TGM3: variants seen among roughly 807,000 people sequenced by gnomAD.
TGM3 encodes transglutaminase 3, also known as protein-glutamine gamma-glutamyltransferase E.
Under a neutral mutation model 73.8 loss-of-function variants are expected in TGM3, and 52 were observed. That is an observed-to-expected ratio of 0.70 (90% CI 0.56 to 0.89). The LOEUF is 0.89. Ranked by LOEUF, TGM3 falls within the 40% of genes least tolerant of loss-of-function variation. The pLI is 0.00. For missense variants in TGM3, 928 were observed against 909.9 expected (o/e 1.02, Z -0.26); for synonymous variants, 372 against 354.9 (o/e 1.05, Z -0.54).
chr20:2,339,795 A>C, intron 11 of TGM3, 59 bp from the exon 12 acceptor site: 1 of 1,607,512 alleles, frequency 6.2e-7, no homozygotes, highest in East Asian at 2.2e-5. Context: ...GCCCTCACCA[A>C]GGTGCAGGCA....
chr20:2,328,427 G>A lies in TGM3; in HGVS notation c.1333+62G>A. On this transcript the variant is annotated intron_variant, in intron 9 of 12. Transcript: ENST00000381458. The surrounding 1 kb of genome is among the most constrained non-coding windows in gnomAD (Gnocchi z 5.2). ...TTCTATTGTGGGAGGATGGCTCTGA[G>A]GCTGGAGAGGAGAAAAGTCCTCACC... The A allele has an allele frequency of 6.3e-7, 1 of 1,597,024 alleles. No homozygotes were observed. Among genetic ancestry groups the A allele is most frequent in the African/African-American group, 1.3e-5 (1 of 74,862 alleles).
Position 2,335,222 on chromosome 20 carries a change from G to C in TGM3, c.1749G>C (p.Glu583Asp), listed in dbSNP as rs137862904. Residue 583 changes from glutamate (E) to aspartate (D), a missense_variant, in exon 11 of 13, where the codon GAG (glutamate) becomes GAC (aspartate). Coordinates refer to ENST00000381458, the MANE Select transcript of TGM3 (RefSeq NM_003245.4). Reference sequence around the variant, plus strand: ...TGTGCAAGGTCCCAGATGAGTCTGAGGTGGTGGTGGAGCGGGACATCATCC... The same window carrying C: ...TGTGCAAGGTCCCAGATGAGTCTGACGTGGTGGTGGAGCGGGACATCATCC... Reference protein sequence around the residue: ...TAVCKVPDESEVVVERDIILD... With the variant: ...TAVCKVPDESDVVVERDIILD... The C allele has an allele frequency of 1.4e-4, 233 of 1,614,122 alleles. No homozygotes were observed. The African/African-American group carries it at 2.9e-3, about 20-fold the overall frequency.
At chr20:2,307,690 C>T (rs1012779505) in intron 1 of TGM3, among the ~76,000 whole-genome samples, 3 of 152,108 alleles carry the variant, frequency 2.0e-5, no homozygotes, top group South Asian at 2.1e-4. Context: ...ACTTCATACA[C>T]GTGTACACTC....
At position 2,328,600 on chromosome 20, in the gene TGM3, T is replaced by C. The variant is rs2122242044; in HGVS notation, c.1333+235T>C. 6.6e-6 allele frequency among the ~76,000 whole-genome samples: 1 copy of C among 152,344 alleles called. No homozygotes were observed. Among genetic ancestry groups the C allele is most frequent in the South Asian group, 2.1e-4 (1 of 4,832 alleles). The stretch of plus-strand genomic sequence containing the variant: ...AAGTTTGCTGCAGGGCACAGGTGGC[T>C]GTCAACCCAGCCCATCTCCAGCTGT... On this transcript the variant is annotated intron_variant, in intron 9 of 12. Transcript: ENST00000381458. This position sits in a 1 kb window ranked among gnomAD's most constrained non-coding sequence, Gnocchi z 5.2.
At chr20:2,329,324 C>T (rs867545186) in intron 9 of TGM3, among the ~76,000 whole-genome samples, 6 of 152,110 alleles carry the variant, frequency 3.9e-5, no homozygotes, top group East Asian at 1.9e-4. Context: ...GAAAGCTGAG[C>T]GCAGGTGATG....
intron 1 of TGM3, among the ~76,000 whole-genome samples, chr20:2,303,133 T>C (rs2084159333): frequency 6.6e-6 from 1 of 152,080 alleles, no homozygotes; most frequent in Non-Finnish European, 1.5e-5. Flanking sequence ...ACCCTGTCTC[T>C]ATTAAAAATA....
chr20:2,321,496 T>C (rs1238086530), intron 7 of TGM3, among the ~76,000 whole-genome samples: 1 of 152,172 alleles, frequency 6.6e-6, no homozygotes, highest in South Asian at 2.1e-4. Flanking sequence ...GGGGCCACTT[T>C]CTAGGCAAGG....
intron 11 of TGM3, among the ~76,000 whole-genome samples, chr20:2,337,151 G>C (rs927802372): frequency 7.9e-5 from 12 of 152,192 alleles, no homozygotes; most frequent in African/African-American, 2.9e-4. Flanking sequence ...ATTTGTAAAA[G>C]AGAAATAGCC....
intron 1 of TGM3, among the ~76,000 whole-genome samples, chr20:2,302,645 A>T (rs1026559705): frequency 6.6e-6 from 1 of 150,720 alleles, no homozygotes; most frequent in African/African-American, 2.4e-5. Context: ...CACTCCAGAC[A>T]GCAGAATGGA....
At chr20:2,312,800 T>C in intron 4 of TGM3, 98 bp from the exon 5 acceptor site, 1 of 1,503,596 alleles carries the variant, frequency 6.7e-7, no homozygotes, top group South Asian at 1.2e-5. Flanking sequence ...AGTCAAAGGA[T>C]CTGATAGTTC....
intron 1 of TGM3, among the ~76,000 whole-genome samples, chr20:2,308,992 C>T (rs1167357423): frequency 1.3e-5 from 2 of 152,010 alleles, no homozygotes; most frequent in Non-Finnish European, 2.9e-5. Context: ...ATTCTCCTGC[C>T]TCACCCTCTT....
At chr20:2,298,101 C>T (rs1223380058) in intron 1 of TGM3, among the ~76,000 whole-genome samples, 1 of 152,058 alleles carries the variant, frequency 6.6e-6, no homozygotes, top group East Asian at 1.9e-4. Context: ...AAATAAATGT[C>T]AGTGTGAGCA....
intron 4 of TGM3, among the ~76,000 whole-genome samples, chr20:2,312,002 C>T (rs897544017): frequency 1.3e-4 from 20 of 152,200 alleles, no homozygotes; most frequent in Non-Finnish European, 2.4e-4. Flanking sequence ...GAAGCAATGA[C>T]TTCAATTAAG....
chr20:2,334,864 C>A lies in TGM3; in HGVS notation c.1643-252C>A, dbSNP rs1438910178. Among the ~76,000 whole-genome samples the A allele has an allele frequency of 6.6e-6, 1 of 152,222 alleles. No homozygotes were observed. Among genetic ancestry groups the A allele is most frequent in the African/African-American group, 2.4e-5 (1 of 41,466 alleles). On this transcript the variant is annotated intron_variant, in intron 10 of 12. Transcript: ENST00000381458. The surrounding 1 kb of genome is among the most constrained non-coding windows in gnomAD (Gnocchi z 4.0). ...CGGGAGGAAGCAGCGGTATCTTTAG[C>A]CCCTGTGAGCCCATCCTCCTGGGAA... is the stretch of plus-strand genomic sequence containing the variant.
chr20:2,320,190 T>C (rs1021143750), intron 7 of TGM3, among the ~76,000 whole-genome samples: 1 of 152,188 alleles, frequency 6.6e-6, no homozygotes, highest in Non-Finnish European at 1.5e-5. Flanking sequence ...CCAAAAAGTG[T>C]TGAAAGCTTT....
intron 7 of TGM3, among the ~76,000 whole-genome samples, chr20:2,325,011 A>G (rs1415746641): frequency 6.6e-6 from 1 of 152,234 alleles, no homozygotes; most frequent in Non-Finnish European, 1.5e-5. Flanking sequence ...ATACTCAAAT[A>G]TATGAGTCTC....
At chr20:2,314,677 C>T (rs987411385) in intron 5 of TGM3, among the ~76,000 whole-genome samples, 89 of 151,586 alleles carry the variant, frequency 5.9e-4, no homozygotes, top group African/African-American at 2.0e-3. Flanking sequence ...TCTGTGATTG[C>T]GCCACTGCAC....
intron 5 of TGM3, among the ~76,000 whole-genome samples, chr20:2,315,900 A>T (rs1034554782): frequency 2.6e-5 from 4 of 152,198 alleles, no homozygotes; most frequent in African/African-American, 9.6e-5. Flanking sequence ...AAAAGTTCAG[A>T]CCTACATAAA....
Position 2,317,062 on chromosome 20 carries a change from G to T in TGM3, c.670-6G>T. 1.9e-6 allele frequency: 3 copies of T among 1,613,286 alleles called. No individual in the cohort carries two copies. The highest frequency in any genetic ancestry group is 2.5e-6 in the Non-Finnish European group (3 of 1,179,832). Reference sequence around the variant, plus strand: ...GACTCATTTTGGGGGGGTGGTTTCTGCCCAGATCAATAGCAATGATGACAA... The same window carrying T: ...GACTCATTTTGGGGGGGTGGTTTCTTCCCAGATCAATAGCAATGATGACAA... On this transcript the variant is annotated splice_region_variant and splice_polypyrimidine_tract_variant and intron_variant, in intron 5 of 12. Transcript: ENST00000381458.
Sources: allele counts gnomAD v4.1 joint callset (sites outside exome capture counted in the v4.1 genomes callset), GRCh38; gene constraint gnomAD v4.1.1; non-coding constraint Gnocchi (gnomAD v3.1); transcripts MANE v1.5; gene names NCBI Gene and HGNC (gene_info 2026-07-23, HGNC 2026-07-21).